Variants in SUPT3H observed in about 807,000 individuals in gnomAD.
SUPT3H encodes the protein transcription initiation protein SPT3 homolog.
SUPT3H carries 44 observed loss-of-function variants against 44.3 expected under a neutral mutation model. The observed-to-expected ratio is 0.99, with a 90% CI of 0.78 to 1.28. SUPT3H has a LOEUF of 1.28. Ranked by LOEUF, SUPT3H falls within the 50% of genes most tolerant of loss-of-function variation. The probability of loss-of-function intolerance (pLI) is 0.00; values close to 1 mark genes in which losing one functional copy is unlikely to be tolerated. For missense variants in SUPT3H, 380 were observed against 387.1 expected (o/e 0.98, Z 0.15); for synonymous variants, 124 against 125.6 (o/e 0.99, Z 0.09).
chr6:44,918,951 G>A (rs1402877843), intron 10 of SUPT3H, among the ~76,000 whole-genome samples: 1 of 152,176 alleles, frequency 6.6e-6, no homozygotes, highest in East Asian at 1.9e-4. Flanking sequence ...AATTGAGCCT[G>A]AGCTTCTTAC....
At chr6:44,908,106 C>T (rs12525009) in intron 10 of SUPT3H, among the ~76,000 whole-genome samples, 50,816 of 151,394 alleles carry the variant, frequency 0.34, 9,454 homozygotes, top group Admixed American at 0.41. Flanking sequence ...TAATTTTAAC[C>T]AGTGCAAAAA....
chr6:45,376,772 T>C (rs1210152228), intron 1 of SUPT3H, among the ~76,000 whole-genome samples: 2 of 152,238 alleles, frequency 1.3e-5, no homozygotes, highest in East Asian at 1.9e-4. Flanking sequence ...AAGTAAATCT[T>C]TGCAGGGCGA....
chr6:45,059,184 C>T (rs1791584342), intron 3 of SUPT3H, among the ~76,000 whole-genome samples: 1 of 152,080 alleles, frequency 6.6e-6, no homozygotes, highest in Middle Eastern at 3.4e-3. Context: ...TGCAAAAATC[C>T]TCAATAAAGT....
chr6:45,057,983 T>C (rs1331585482), intron 3 of SUPT3H, among the ~76,000 whole-genome samples: 1 of 152,204 alleles, frequency 6.6e-6, no homozygotes, highest in African/African-American at 2.4e-5. Context: ...ATTTTAGTTA[T>C]ACACATGAAA....
At chr6:45,362,129 A>C (rs563345385) in intron 2 of SUPT3H, among the ~76,000 whole-genome samples, 103 of 152,308 alleles carry the variant, frequency 6.8e-4, no homozygotes, top group Non-Finnish European at 1.3e-3. Context: ...CCCAAATTCA[A>C]AATATGGTAA....
intron 9 of SUPT3H, among the ~76,000 whole-genome samples, chr6:44,949,443 GA>G (rs929186870): frequency 1.4e-4 from 21 of 150,412 alleles, no homozygotes; most frequent in Non-Finnish European, 1.0e-4. Flanking sequence ...TCAAAAAAAA[GA>G]AAAAAAAGAA....
chr6:45,371,444 T>G (rs76298881), intron 1 of SUPT3H, among the ~76,000 whole-genome samples: 3,073 of 151,330 alleles, frequency 0.02, 43 homozygotes, highest in Non-Finnish European at 0.032. Flanking sequence ...ATTCTCCCTC[T>G]ACCAATGAGG....
chr6:45,238,454 T>C (rs990889086), intron 2 of SUPT3H, among the ~76,000 whole-genome samples: 3 of 152,188 alleles, frequency 2.0e-5, no homozygotes, highest in Non-Finnish European at 4.4e-5. Context: ...GAGTAATCTA[T>C]TTTCTACCCT....
At chr6:45,298,134 G>C (rs1432524922) in intron 2 of SUPT3H, among the ~76,000 whole-genome samples, 2 of 152,122 alleles carry the variant, frequency 1.3e-5, no homozygotes, top group Non-Finnish European at 2.9e-5. Flanking sequence ...TTTATGAAGA[G>C]TTAGGACTTT....
intron 4 of SUPT3H, among the ~76,000 whole-genome samples, chr6:45,017,438 G>A: frequency 6.6e-6 from 1 of 151,266 alleles, no homozygotes; most frequent in Admixed American, 6.6e-5. Context: ...TGTCCTGAAT[G>A]GTAATGCCTA....
intron 2 of SUPT3H, among the ~76,000 whole-genome samples, chr6:45,167,394 T>C (rs564468345): frequency 2.6e-5 from 4 of 152,348 alleles, no homozygotes; most frequent in Admixed American, 1.3e-4. Context: ...TAAGCACTTA[T>C]CTTTCCTGTG....
chr6:45,277,113 A>T (rs1353524492), intron 2 of SUPT3H, among the ~76,000 whole-genome samples: 2 of 152,212 alleles, frequency 1.3e-5, no homozygotes, highest in African/African-American at 4.8e-5. Context: ...TGTGATGCTT[A>T]TACTAAATTC....
intron 2 of SUPT3H, among the ~76,000 whole-genome samples, chr6:45,351,975 C>T (rs896428937): frequency 1.3e-5 from 2 of 152,150 alleles, no homozygotes; most frequent in Admixed American, 1.3e-4. Flanking sequence ...CTAATTCTAC[C>T]GCTGACACAA....
intron 1 of SUPT3H, among the ~76,000 whole-genome samples, chr6:45,368,175 ATC>A (rs1795469553): frequency 1.3e-5 from 2 of 152,310 alleles, no homozygotes; most frequent in East Asian, 1.9e-4. Flanking sequence ...TTGAAAATGC[ATC>A]TGTTTGCCAT....
chr6:45,161,036 G>A (rs1361278594), intron 2 of SUPT3H, among the ~76,000 whole-genome samples: 1 of 152,016 alleles, frequency 6.6e-6, no homozygotes, highest in Non-Finnish European at 1.5e-5. Flanking sequence ...GGTTGTTTAA[G>A]TGTGTTCCCC....
chr6:45,202,439 C>G (rs1352179616), intron 2 of SUPT3H, among the ~76,000 whole-genome samples: 1 of 151,884 alleles, frequency 6.6e-6, no homozygotes, highest in African/African-American at 2.4e-5. Context: ...AAAGTCAAAA[C>G]TACTGCAACA....
intron 9 of SUPT3H, among the ~76,000 whole-genome samples, chr6:44,940,308 T>C (rs952050813): frequency 6.6e-5 from 10 of 152,108 alleles, no homozygotes; most frequent in African/African-American, 2.4e-4. Context: ...AATCCCATGA[T>C]CATTCCAGAG....
chr6:44,978,491 TACAA>T (rs1778646504), intron 6 of SUPT3H, among the ~76,000 whole-genome samples: 1 of 152,268 alleles, frequency 6.6e-6, no homozygotes, highest in Non-Finnish European at 1.5e-5. Context: ...ACAAGTATAC[TACAA>T]ACAGTTTGGT....
rs894820288 is a variant in SUPT3H at position 45,217,507 on chromosome 6, T to C, written c.102-111501A>G. On this transcript the variant is annotated intron_variant, in intron 2 of 10. Transcript: ENST00000371459. ...AAATAAAATAAAATAAAATATAAAA[T>C]GATGACATCAGTAGACTAGAATAAG... 2.6e-5 allele frequency among the ~76,000 whole-genome samples: 4 copies of C among 151,298 alleles called. No homozygotes were observed. The South Asian group carries it at 6.3e-4, about 24-fold the overall frequency.
Sources: allele counts gnomAD v4.1 joint callset (sites outside exome capture counted in the v4.1 genomes callset), GRCh38; gene constraint gnomAD v4.1.1; transcripts MANE v1.5; gene names NCBI Gene and HGNC (gene_info 2026-07-23, HGNC 2026-07-21).